Variants in RGS12 observed in about 807,000 individuals in gnomAD.
RGS12 encodes the protein regulator of G-protein signaling 12.
RGS12 carries 66 observed loss-of-function variants against 120.1 expected under a neutral mutation model. The observed-to-expected ratio is 0.55, with a 90% confidence interval of 0.45 to 0.67. The LOEUF (loss-of-function observed/expected upper bound fraction) is 0.67. Ranked by LOEUF, RGS12 falls within the 30% of genes least tolerant of loss-of-function variation. The pLI is 0.00. For missense variants in RGS12, 1,859 were observed against 1,957.7 expected, an observed-to-expected ratio of 0.95 and a Z score of 0.95; for synonymous variants, 827 against 804.7, an observed-to-expected ratio of 1.03 and a Z score of -0.47.
At chr4:3,298,767 A>G (rs1723518959) in intron 1 of RGS12, among the ~76,000 whole-genome samples, 1 of 152,222 alleles carries the variant, frequency 6.6e-6, no homozygotes, top group African/African-American at 2.4e-5. Flanking sequence ...TCAAACTGCT[A>G]TTAAGTTTCG....
In RGS12 at chr4:3,422,469, G is replaced by T. The variant is rs1431275049; in HGVS notation, c.2932G>T (p.Val978Phe). 6.2e-6 allele frequency: 10 copies of T among 1,613,024 alleles called. No homozygotes were observed. Among genetic ancestry groups the T allele is most frequent in the Non-Finnish European group, 8.5e-6 (10 of 1,179,994 alleles). The change falls in exon 11 of 18, where the codon GTC becomes TTC. Residue 978 changes from valine to phenylalanine, a missense_variant. Physicochemically the swap from Val to Phe is conservative, Grantham distance 50 (BLOSUM62 -1). Transcript: ENST00000336727. ...GGATGGGACATCCTGCGTGGTGGCT[G>T]TCAAGGCGGGCTTCTCCATCAAAGA... ...LPDGTSCVVA[V>F]KAGFSIKDIL...
chr4:3,408,099 C>CA (rs1721350582), intron 4 of RGS12, among the ~76,000 whole-genome samples: 1 of 152,190 alleles, frequency 6.6e-6, no homozygotes, highest in East Asian at 1.9e-4. Context: ...GGGTTTGACT[C>CA]ACGTGTTCAG....
At chr4:3,319,647 C>T (rs1725046267) in intron 2 of RGS12, among the ~76,000 whole-genome samples, 1 of 152,222 alleles carries the variant, frequency 6.6e-6, no homozygotes, top group African/African-American at 2.4e-5. Context: ...ATTTTGCCAT[C>T]TTGCCCAGGC....
intron 3 of RGS12, chr4:3,370,338 T>C (rs1447569172): frequency 6.2e-7 from 1 of 1,612,978 alleles, no homozygotes; most frequent in Admixed American, 1.7e-5. Flanking sequence ...AGTTCCGGCT[T>C]TTTCTTTTCA....
intron 1 of RGS12, among the ~76,000 whole-genome samples, chr4:3,308,473 C>T (rs1020594134): frequency 1.3e-5 from 2 of 152,152 alleles, no homozygotes; most frequent in South Asian, 2.1e-4. Context: ...GCGGGGCTAG[C>T]GATTCGTACT....
chr4:3,346,613 A>G (rs1713820088), intron 3 of RGS12, among the ~76,000 whole-genome samples: 1 of 152,200 alleles, frequency 6.6e-6, no homozygotes, highest in Admixed American at 6.5e-5. Flanking sequence ...TATGGGAGAA[A>G]GTTGGATGGG....
chr4:3,346,320 G>T (rs77047713), intron 3 of RGS12, among the ~76,000 whole-genome samples: 2 of 152,194 alleles, frequency 1.3e-5, no homozygotes, highest in Admixed American at 1.3e-4. Flanking sequence ...GTGAAATTTC[G>T]ATTACACCAT....
At chr4:3,405,242 G>A (rs1317394081) in intron 4 of RGS12, among the ~76,000 whole-genome samples, 1 of 152,166 alleles carries the variant, frequency 6.6e-6, no homozygotes, top group Non-Finnish European at 1.5e-5. Flanking sequence ...ATTATCACCA[G>A]GGAACCCTAG....
intron 4 of RGS12, among the ~76,000 whole-genome samples, chr4:3,398,748 A>T (rs1720291025): frequency 1.3e-5 from 2 of 152,310 alleles, no homozygotes; most frequent in South Asian, 2.1e-4. Context: ...AAAAAAAAAA[A>T]TAGTAAGATT....
chr4:3,355,564 G>A (rs1309444796), intron 3 of RGS12, among the ~76,000 whole-genome samples: 1 of 152,184 alleles, frequency 6.6e-6, no homozygotes, highest in Non-Finnish European at 1.5e-5. Context: ...GGAGGCTGAA[G>A]TGGGCAGATC....
At chr4:3,388,506 G>C (rs1417020426) in intron 4 of RGS12, among the ~76,000 whole-genome samples, 1 of 152,220 alleles carries the variant, frequency 6.6e-6, no homozygotes, top group African/African-American at 2.4e-5. Flanking sequence ...ACAGTAGTCT[G>C]CAGGTGAGAT....
chr4:3,313,501 ATTTG>A (rs1724541044), intron 1 of RGS12, among the ~76,000 whole-genome samples: 1 of 151,976 alleles, frequency 6.6e-6, no homozygotes. Context: ...TCCCCCTTGT[ATTTG>A]TTTCCTGGGG....
chr4:3,357,700 C>T (rs1415434792), intron 3 of RGS12, among the ~76,000 whole-genome samples: 1 of 152,040 alleles, frequency 6.6e-6, no homozygotes, highest in Non-Finnish European at 1.5e-5. Context: ...TTCTGGGCTT[C>T]CTGTTCTATT....
rs188182800 is a variant in RGS12 at position 3,390,034 on chromosome 4, G to A, written c.2020+3597G>A. Among the ~76,000 whole-genome samples, 1 of 152,002 alleles carries A rather than the reference G, an allele frequency of 6.6e-6. No homozygotes were observed. Among genetic ancestry groups the A allele is most frequent in the Admixed American group, 6.6e-5 (1 of 15,266 alleles). ...GCCCTGTCTCTGCAGCCATCCTCCC[G>A]CTCCCTTCTCCTGAACGCTGGTGGT... On this transcript the variant is annotated intron_variant, in intron 4 of 17. Transcript: ENST00000336727. The surrounding 1 kb of genome is among the most constrained non-coding windows in gnomAD (Gnocchi z 4.6).
chr4:3,288,189 GC>G (rs1722944418), upstream of RGS12, among the ~76,000 whole-genome samples: 2 of 152,210 alleles, frequency 1.3e-5, no homozygotes, highest in Non-Finnish European at 2.9e-5. The surrounding 1 kb of genome is among the most constrained non-coding windows in gnomAD (Gnocchi z 5.2). Context: ...AGAGTGATGG[GC>G]CCGGCGGGTG....
At chr4:3,286,958 C>T in the RGS12 span, among the ~76,000 whole-genome samples, 2 of 152,238 alleles carry the variant, frequency 1.3e-5, no homozygotes, top group South Asian at 4.1e-4. Flanking sequence ...GGGGAGGCCT[C>T]GGGGACCTGG....
intron 1 of RGS12, among the ~76,000 whole-genome samples, chr4:3,307,784 T>G (rs999760557): frequency 3.3e-5 from 5 of 152,238 alleles, no homozygotes; most frequent in Non-Finnish European, 7.4e-5. Context: ...GCAGAACTCC[T>G]TTAAGTGCCC....
intron 4 of RGS12, among the ~76,000 whole-genome samples, chr4:3,387,187 A>C (rs1718947341): frequency 6.6e-6 from 1 of 152,176 alleles, no homozygotes; most frequent in South Asian, 2.1e-4. Context: ...GAATAGGTGC[A>C]CCTGGCATCG....
At chr4:3,388,190 G>C (rs1307664885) in intron 4 of RGS12, among the ~76,000 whole-genome samples, 3 of 148,136 alleles carry the variant, frequency 2.0e-5, no homozygotes, top group African/African-American at 7.5e-5. Flanking sequence ...GAGAGCCCCA[G>C]TCACAGAGGA....
Sources: gnomAD v4.1 joint callset for allele counts (sites outside exome capture counted in the v4.1 genomes callset) on GRCh38, gnomAD v4.1.1 for gene constraint, Gnocchi (gnomAD v3.1) non-coding constraint, MANE v1.5 for transcripts, NCBI Gene and HGNC (gene_info 2026-07-23, HGNC 2026-07-21) for gene names.